CNTNAP2: variants seen among roughly 807,000 people sequenced by gnomAD.
CNTNAP2 encodes the protein contactin associated protein 2.
In CNTNAP2, 98 loss-of-function variants were observed where a neutral mutation model predicts 155.2. That is an observed-to-expected ratio of 0.63 (90% CI 0.54 to 0.75). The LOEUF (loss-of-function observed/expected upper bound fraction) is 0.75, where lower values mean the gene tolerates loss of function less well. CNTNAP2 is among the 30% of genes least tolerant of loss of function. The pLI is 0.00. For synonymous variants in CNTNAP2, 651 were observed against 631.2 expected, an observed-to-expected ratio of 1.03 and a Z score of -0.47; for missense variants, 1,727 against 1,688.1, an observed-to-expected ratio of 1.02 and a Z score of -0.40.
At chr7:147,868,374 T>G (rs1374274913) in intron 13 of CNTNAP2, among the ~76,000 whole-genome samples, 17 of 152,142 alleles carry the variant, frequency 1.1e-4, no homozygotes, top group Admixed American at 1.1e-3. Flanking sequence ...CTATATGAGG[T>G]GTCTGTCGGC....
chr7:146,882,441 C>T (rs151049749), intron 3 of CNTNAP2, among the ~76,000 whole-genome samples: 4 of 151,960 alleles, frequency 2.6e-5, no homozygotes, highest in African/African-American at 4.8e-5. Context: ...ATCATGGTTC[C>T]GCCATGCTGT....
intron 16 of CNTNAP2, among the ~76,000 whole-genome samples, chr7:148,137,986 G>A (rs1269659822): frequency 1.3e-5 from 2 of 152,106 alleles, no homozygotes; most frequent in Non-Finnish European, 2.9e-5. Context: ...GTCATATCAA[G>A]GTGACACTGA....
chr7:147,278,770 A>G (rs1229849723), intron 8 of CNTNAP2, among the ~76,000 whole-genome samples: 1 of 151,460 alleles, frequency 6.6e-6, no homozygotes, highest in Non-Finnish European at 1.5e-5. Flanking sequence ...TTAATCCCTT[A>G]TAATTATTTA....
intron 1 of CNTNAP2, among the ~76,000 whole-genome samples, chr7:146,572,469 C>CA (rs1554450335): frequency 1.3e-5 from 2 of 151,986 alleles, no homozygotes; most frequent in Non-Finnish European, 2.9e-5. Context: ...TAATGGGTTA[C>CA]ATTGCTATTA....
chr7:147,370,392 GT>G (rs1193532640), intron 9 of CNTNAP2, among the ~76,000 whole-genome samples: 1 of 152,136 alleles, frequency 6.6e-6, no homozygotes, highest in African/African-American at 2.4e-5. Flanking sequence ...CACATCAGTC[GT>G]TTCTTGTCTA....
intron 13 of CNTNAP2, among the ~76,000 whole-genome samples, chr7:147,761,935 C>G (rs751840713): frequency 6.6e-6 from 1 of 152,038 alleles, no homozygotes; most frequent in Non-Finnish European, 1.5e-5. Flanking sequence ...AAAAAAAATA[C>G]ATGCATGTTA....
At chr7:147,725,410 T>C (rs1441295451) in intron 13 of CNTNAP2, among the ~76,000 whole-genome samples, 1 of 152,112 alleles carries the variant, frequency 6.6e-6, no homozygotes. Flanking sequence ...TAAAACAATC[T>C]TTTCTTCTTA....
At chr7:148,232,777 C>T (rs150684584) in intron 20 of CNTNAP2, among the ~76,000 whole-genome samples, 1 of 152,340 alleles carries the variant, frequency 6.6e-6, no homozygotes, top group African/African-American at 2.4e-5. Flanking sequence ...AGATGATCCT[C>T]ATCAGTGTTT....
chr7:147,586,610 T>C (rs998573200), intron 12 of CNTNAP2, among the ~76,000 whole-genome samples: 1 of 141,142 alleles, frequency 7.1e-6, no homozygotes, highest in Non-Finnish European at 1.5e-5. Flanking sequence ...AAGGAGGGAA[T>C]GGGAGGGTAA....
intron 2 of CNTNAP2, among the ~76,000 whole-genome samples, chr7:146,793,581 C>T (rs1802711380): frequency 6.6e-6 from 1 of 152,212 alleles, no homozygotes; most frequent in African/African-American, 2.4e-5. Context: ...AGGGCAGTCT[C>T]ATTTTATCAG....
intron 11 of CNTNAP2, among the ~76,000 whole-genome samples, chr7:147,535,022 A>G (rs1474632118): frequency 6.6e-6 from 1 of 152,064 alleles, no homozygotes; most frequent in Non-Finnish European, 1.5e-5. Context: ...CCGCCTACCC[A>G]CGCCCTACCC....
chr7:147,505,780 A>G (rs1309757514), intron 11 of CNTNAP2, among the ~76,000 whole-genome samples: 2 of 152,178 alleles, frequency 1.3e-5, no homozygotes, highest in African/African-American at 4.8e-5. Flanking sequence ...TAAAACTGGC[A>G]CTCGGTAAAA....
At chr7:146,526,484 C>T (rs73741732) in intron 1 of CNTNAP2, among the ~76,000 whole-genome samples, 1,572 of 152,162 alleles carry the variant, frequency 0.01, 23 homozygotes, top group Middle Eastern at 0.065. Flanking sequence ...AGAGTGAGGA[C>T]GTGCCACACA....
chr7:148,317,884 G>A (rs911145250), intron 21 of CNTNAP2, among the ~76,000 whole-genome samples: 4 of 151,976 alleles, frequency 2.6e-5, no homozygotes, highest in Admixed American at 6.6e-5. Context: ...TAGTAGAGAC[G>A]GGGATTCACC....
chr7:148,306,787 A>G lies in CNTNAP2; in HGVS notation c.3475+39661A>G, dbSNP rs73171930. ...GGTTGGTGTGTGTGTGTGTGTGTGTATATGTGTATTTTCGTTTGTTTTTCT... is the reference window on the plus strand; with the variant it reads ...GGTTGGTGTGTGTGTGTGTGTGTGTGTATGTGTATTTTCGTTTGTTTTTCT... On this transcript the variant is annotated intron_variant, in intron 21 of 23. Transcript: ENST00000361727. Among the ~76,000 whole-genome samples the G allele has an allele frequency of 9.1e-3, 1,364 of 150,454 alleles. 7 individuals are homozygous for G. Among genetic ancestry groups the G allele is most frequent in the Middle Eastern group, 0.014 (4 of 294 alleles).
intron 1 of CNTNAP2, among the ~76,000 whole-genome samples, chr7:146,606,397 A>G (rs1368811426): frequency 6.6e-6 from 1 of 152,194 alleles, no homozygotes; most frequent in Non-Finnish European, 1.5e-5. Flanking sequence ...AATTGATATT[A>G]TGACATTTTT....
At chr7:147,285,948 A>C (rs1805165226) in intron 8 of CNTNAP2, among the ~76,000 whole-genome samples, 1 of 152,106 alleles carries the variant, frequency 6.6e-6, no homozygotes, top group South Asian at 2.1e-4. Flanking sequence ...TTATTCTTCC[A>C]AAGCTATGTA....
intron 1 of CNTNAP2, among the ~76,000 whole-genome samples, chr7:146,328,427 A>C (rs1416981506): frequency 2.0e-5 from 3 of 152,232 alleles, no homozygotes; most frequent in Admixed American, 6.5e-5. Flanking sequence ...GTATATATTT[A>C]AGGTATAAAA....
chr7:146,710,375 C>A (rs115051054), intron 1 of CNTNAP2, among the ~76,000 whole-genome samples: 1,966 of 152,212 alleles, frequency 0.013, 35 homozygotes, highest in African/African-American at 0.042. Context: ...GGACAAGAGG[C>A]CTGACTGTTT....
Sources: allele counts gnomAD v4.1 joint callset (sites outside exome capture counted in the v4.1 genomes callset), GRCh38; gene constraint gnomAD v4.1.1; transcripts MANE v1.5; gene names NCBI Gene and HGNC (gene_info 2026-07-23, HGNC 2026-07-21).